ACER3: variants seen among roughly 807,000 people sequenced by gnomAD.
ACER3 encodes alkCDase 3.
A neutral mutation model predicts 48.9 loss-of-function variants in ACER3; 16 were observed. The ratio of observed to expected loss-of-function variants is 0.33; its 90% CI spans 0.22 to 0.50. The LOEUF (loss-of-function observed/expected upper bound fraction) is 0.50. Among genes scored for constraint, ACER3 ranks in the 20% least tolerant of loss-of-function variants. ACER3 has a pLI of 0.98. For synonymous variants in ACER3, 109 were observed against 107.8 expected (o/e 1.01, Z -0.07); for missense variants, 227 against 326.0 (o/e 0.70, Z 2.34).
intron 4 of ACER3, among the ~76,000 whole-genome samples, chr11:76,977,849 C>T (rs1002383701): frequency 3.9e-5 from 6 of 152,236 alleles, no homozygotes; most frequent in Non-Finnish European, 8.8e-5. Flanking sequence ...CCCCTTGCCC[C>T]TGCAGGCTTG....
chr11:76,967,135 G>A (rs946638431), intron 3 of ACER3, among the ~76,000 whole-genome samples: 4 of 152,060 alleles, frequency 2.6e-5, no homozygotes, highest in East Asian at 1.9e-4. Flanking sequence ...TATCACCACC[G>A]ATCCCACAGA....
At chr11:76,980,955 A>T (rs1050244749) in intron 4 of ACER3, among the ~76,000 whole-genome samples, 2 of 152,236 alleles carry the variant, frequency 1.3e-5, no homozygotes, top group Non-Finnish European at 2.9e-5. Flanking sequence ...TGGGAAATTA[A>T]GTAAGAAATA....
intron 2 of ACER3, among the ~76,000 whole-genome samples, chr11:76,958,512 T>C (rs775276545): frequency 2.0e-5 from 3 of 152,180 alleles, no homozygotes; most frequent in Admixed American, 6.6e-5. Context: ...TTAAGTCTAC[T>C]TTAAGCATTT....
At chr11:76,972,020 T>C (rs181053275) in intron 3 of ACER3, among the ~76,000 whole-genome samples, 18 of 152,346 alleles carry the variant, frequency 1.2e-4, no homozygotes, top group African/African-American at 4.3e-4. Context: ...TATTCTTTGG[T>C]TTCTAGTCCC....
chr11:76,896,779 CT>C (rs1945940824), intron 1 of ACER3, among the ~76,000 whole-genome samples: 1 of 152,110 alleles, frequency 6.6e-6, no homozygotes, highest in African/African-American at 2.4e-5. Flanking sequence ...TCCAGAAGAG[CT>C]TTATATGTGG....
intron 1 of ACER3, among the ~76,000 whole-genome samples, chr11:76,872,628 T>TGAG (rs1456755558): frequency 6.6e-6 from 1 of 152,216 alleles, no homozygotes; most frequent in Admixed American, 6.5e-5. Context: ...ATGATGGAGC[T>TGAG]GAGGAGGAGG....
Position 76,952,262 on chromosome 11 carries a change from CT to C in ACER3, c.215-6702del, listed in dbSNP as rs1158955501. Among the ~76,000 whole-genome samples, 670 of 139,082 alleles carry C rather than the reference CT, an allele frequency of 4.8e-3. 3 individuals carry two copies. The highest frequency in any genetic ancestry group is 5.1e-3 in the Non-Finnish European group (326 of 63,706). 91.2% of individuals were successfully genotyped at this position (139,082 alleles called of 152,430 possible). A position where few individuals can be genotyped will look rare whatever the true frequency, so the allele number is the denominator to read the frequency against. ...GAATTCACTATACTATTCTTTCTTT[CT>C]TTTTTTTTTTTTTTGAGATGGAGTC... On this transcript the variant is annotated intron_variant, in intron 2 of 10. Transcript: ENST00000532485.
chr11:77,012,414 C>T (rs1949285478), intron 7 of ACER3, among the ~76,000 whole-genome samples: 1 of 80,348 alleles, frequency 1.2e-5, no homozygotes, highest in Admixed American at 1.6e-4. Flanking sequence ...AAGACTCCAT[C>T]TCAAAAAAAA....
intron 2 of ACER3, among the ~76,000 whole-genome samples, chr11:76,928,075 C>T (rs973355917): frequency 3.9e-5 from 6 of 152,104 alleles, no homozygotes; most frequent in East Asian, 1.9e-4. Context: ...ACAGTCCCAC[C>T]GACAGTATAA....
intron 2 of ACER3, among the ~76,000 whole-genome samples, chr11:76,945,478 G>A (rs554277556): frequency 7.2e-5 from 11 of 152,248 alleles, no homozygotes; most frequent in African/African-American, 9.6e-5. Flanking sequence ...GGCAGTACAC[G>A]GGTTCAGTGG....
intron 1 of ACER3, among the ~76,000 whole-genome samples, chr11:76,911,451 G>T (rs1240217769): frequency 6.6e-6 from 1 of 152,080 alleles, no homozygotes; most frequent in Non-Finnish European, 1.5e-5. Flanking sequence ...TTGCCATCTT[G>T]GTTTTGATGG....
intron 3 of ACER3, among the ~76,000 whole-genome samples, chr11:76,973,016 T>C (rs1011133120): frequency 1.9e-4 from 29 of 152,248 alleles, no homozygotes; most frequent in Admixed American, 8.5e-4. Context: ...ATCCCAAATG[T>C]TCCTTTGTCA....
At chr11:76,900,764 G>T (rs1323827346) in intron 1 of ACER3, among the ~76,000 whole-genome samples, 2 of 152,184 alleles carry the variant, frequency 1.3e-5, no homozygotes, top group Non-Finnish European at 2.9e-5. Context: ...TTCTGGCATT[G>T]GTTCAGAAGC....
intron 1 of ACER3, among the ~76,000 whole-genome samples, chr11:76,874,699 A>G (rs573535322): frequency 3.9e-5 from 6 of 152,366 alleles, no homozygotes; most frequent in Non-Finnish European, 8.8e-5. Flanking sequence ...AGTTTGCAGC[A>G]TCAGCTCCTG....
At chr11:76,926,235 TC>T (rs1178154576) in intron 1 of ACER3, among the ~76,000 whole-genome samples, 1 of 152,194 alleles carries the variant, frequency 6.6e-6, no homozygotes, top group East Asian at 1.9e-4. Flanking sequence ...ATAGGCTGCC[TC>T]CCCCAACCCA....
intron 2 of ACER3, among the ~76,000 whole-genome samples, chr11:76,944,849 T>C (rs1251387093): frequency 1.3e-5 from 2 of 152,128 alleles, no homozygotes; most frequent in Non-Finnish European, 2.9e-5. Context: ...ATTTATAAGT[T>C]CAGTCATTTT....
intron 1 of ACER3, among the ~76,000 whole-genome samples, chr11:76,864,622 TAG>T (rs1275215797): frequency 2.1e-5 from 3 of 144,694 alleles, no homozygotes; most frequent in African/African-American, 8.0e-5. Context: ...TTTTTTGAGG[TAG>T]AGTCTCGCTC....
At chr11:76,910,268 A>G (rs1201607208) in intron 1 of ACER3, among the ~76,000 whole-genome samples, 3 of 152,038 alleles carry the variant, frequency 2.0e-5, no homozygotes, top group Non-Finnish European at 2.9e-5. Flanking sequence ...TACATAAAGT[A>G]TAATAATAAT....
At position 77,025,297 on chromosome 11, in the gene ACER3, G is replaced by C. The variant is rs1555025448; in HGVS notation, c.*4970G>C. ...TGTGTCATAATATCAAAGGGGTCTA[G>C]ATCAGGGGTTGGTAAACTACAACCC... On this transcript the variant is annotated 3_prime_UTR_variant, in exon 11 of 11. Coordinates refer to ENST00000532485, the MANE Select transcript of ACER3 (RefSeq NM_018367.7). 1 of 151,500 alleles carries C rather than the reference G, an allele frequency of 6.6e-6. No individual in the cohort carries two copies. The highest frequency in any genetic ancestry group is 2.4e-5 in the African/African-American group (1 of 41,162). The allele number at this position is 151,500 out of a possible 1,614,324, so 9.4% of individuals were successfully genotyped here.
Sources: gnomAD v4.1 joint callset for allele counts (sites outside exome capture counted in the v4.1 genomes callset) on GRCh38, gnomAD v4.1.1 for gene constraint, MANE v1.5 for transcripts, NCBI Gene and HGNC (gene_info 2026-07-23, HGNC 2026-07-21) for gene names.